Variants in GPT2 observed in about 807,000 individuals in gnomAD.
The protein encoded by GPT2 is alanine aminotransferase 2.
In GPT2, 30 loss-of-function variants were observed where a neutral mutation model predicts 56.9. That is an observed-to-expected ratio of 0.53 (90% confidence interval 0.39 to 0.72). GPT2 has a LOEUF of 0.72. Ranked by LOEUF, GPT2 falls within the 30% of genes least tolerant of loss-of-function variation. GPT2 has a pLI of 0.00. For missense variants in GPT2, 542 were observed against 703.4 expected, an observed-to-expected ratio of 0.77 and a Z score of 2.60; for synonymous variants, 271 against 283.1, an observed-to-expected ratio of 0.96 and a Z score of 0.43.
intron 6 of GPT2, among the ~76,000 whole-genome samples, chr16:46,914,191 A>G (rs1200878573): frequency 2.0e-5 from 3 of 152,130 alleles, no homozygotes; most frequent in Non-Finnish European, 2.9e-5. Flanking sequence ...ACCTGTACCC[A>G]TGGCATTTCG....
chr16:46,910,163 A>G (rs1961018351), intron 6 of GPT2, among the ~76,000 whole-genome samples: 1 of 152,040 alleles, frequency 6.6e-6, no homozygotes, highest in Non-Finnish European at 1.5e-5. Context: ...GATGGATCAC[A>G]TGAGGTCAGA....
rs947646070 is a variant in GPT2, at chr16:46,929,224, C to T, written c.*227C>T. The T allele has an allele frequency of 1.9e-6, 1 of 538,408 alleles. No individual in the cohort carries two copies. Among genetic ancestry groups the T allele is most frequent in the African/African-American group, 1.9e-5 (1 of 52,810 alleles). 33.4% of individuals were successfully genotyped at this position (538,408 alleles called of 1,614,324 possible). A position where few individuals can be genotyped will look rare whatever the true frequency, so the allele number is the denominator to read the frequency against. On this transcript the variant is annotated 3_prime_UTR_variant, in exon 12 of 12. Transcript: ENST00000340124. ...GCAACCAGAGTAGAGGGGACCTGCT[C>T]AGCAGGTGTGACCAGGGTTCTCTGA...
chr16:46,923,312 A>G (rs1390224741), intron 9 of GPT2, among the ~76,000 whole-genome samples: 2 of 152,060 alleles, frequency 1.3e-5, no homozygotes, highest in African/African-American at 4.8e-5. Context: ...AAATACAAAA[A>G]TCAGCCGGGA....
chr16:46,918,847 T>G lies in GPT2; in HGVS notation c.1037+90T>G, dbSNP rs990831325. 3.4e-6 allele frequency: 5 copies of G among 1,484,946 alleles called. No homozygotes were observed. In the African/African-American group the frequency reaches 6.9e-5, roughly 20 times the overall value. 92.0% of individuals were successfully genotyped at this position (1,484,946 alleles called of 1,614,324 possible). A position where few individuals can be genotyped will look rare whatever the true frequency, so the allele number is the denominator to read the frequency against. ...CTGCCCTGCCCCGTGGTCCACCCAC[T>G]TGGATGGAGAGAAGGCTGCCCTTAT... On this transcript the variant is annotated intron_variant, in intron 8 of 11. Coordinates refer to ENST00000340124, the MANE Select transcript of GPT2 (RefSeq NM_133443.4).
chr16:46,918,864 T>C, intron 8 of GPT2, 107 bp downstream of exon 8: 2 of 1,335,032 alleles, frequency 1.5e-6, no homozygotes, highest in Middle Eastern at 1.9e-4. Flanking sequence ...GAGAGAAGGC[T>C]GCCCTTATCT....
chr16:46,924,139 G>A (rs933690678), intron 9 of GPT2: 1 of 526,546 alleles, frequency 1.9e-6, no homozygotes, highest in African/African-American at 1.9e-5. Context: ...CTCTTCTTTG[G>A]TCAGTCTGTC....
chr16:46,924,161 T>G, intron 9 of GPT2: 1 of 590,194 alleles, frequency 1.7e-6, no homozygotes, highest in East Asian at 3.3e-5. Context: ...GATACCCCAG[T>G]GTCGAAGGAA....
intron 2 of GPT2, among the ~76,000 whole-genome samples, chr16:46,895,357 T>G (rs1324316707): frequency 6.6e-6 from 1 of 151,920 alleles, no homozygotes; most frequent in Non-Finnish European, 1.5e-5. Flanking sequence ...AAATCCCATC[T>G]CCATTAAAAA....
chr16:46,909,865 A>T lies in GPT2; in HGVS notation c.758A>T (p.Gln253Leu). The T allele has an allele frequency of 6.2e-7, 1 of 1,614,126 alleles. No homozygotes were observed. The highest frequency in any genetic ancestry group is 8.5e-7 in the Non-Finnish European group (1 of 1,180,002). ...GTGAATGAGCTCCGGCGGGCGGTGC[A>T]GGAGGCCAAAGACCACTGTGATCCT... ...LNVNELRRAV[Q>L]EAKDHCDPKV... The change falls in exon 6 of 12, where the codon CAG (glutamine) becomes CTG (leucine). Residue 253 changes from glutamine (Q) to leucine (L), a missense_variant. Gln to Leu is a moderately radical substitution (Grantham distance 113). Coordinates refer to ENST00000340124, the MANE Select transcript of GPT2 (RefSeq NM_133443.4).
chr16:46,913,772 A>G (rs1352442767), intron 6 of GPT2, among the ~76,000 whole-genome samples: 1 of 151,640 alleles, frequency 6.6e-6, no homozygotes, highest in Non-Finnish European at 1.5e-5. Context: ...ATATATATGT[A>G]CACACACACA....
chr16:46,897,843 C>A, intron 3 of GPT2, 106 bp downstream of exon 3: 1 of 880,870 alleles, frequency 1.1e-6, no homozygotes, highest in Non-Finnish European at 1.8e-6. Flanking sequence ...CCCTCCCAGC[C>A]TGATACCCTC....
In GPT2 at chr16:46,924,522, CCAA is replaced by C. The variant is rs1291251390; in HGVS notation, c.1347_1349del (p.Lys450del). 6.2e-7 allele frequency: 1 copy of C among 1,614,106 alleles called. No individual in the cohort carries two copies. The highest frequency in any genetic ancestry group is 8.5e-7 in the Non-Finnish European group (1 of 1,180,034). On this transcript the variant is annotated inframe_deletion, in exon 10 of 12. Transcript: ENST00000340124. The stretch of plus-strand genomic sequence containing the variant: ...GCCTTCCCTCGGATCTTCATTCCTG[CCAA>C]AGCTGTGGAGGCTGCTCAGGTCTGG...
Position 46,924,515 on chromosome 16 carries a change from A to G in GPT2, c.1339A>G (p.Ile447Val), listed in dbSNP as rs1009934556. The part of the protein sequence containing the change: ...GAMYAFPRIF[I>V]PAKAVEAAQA... ...CATGTACGCCTTCCCTCGGATCTTC[A>G]TTCCTGCCAAAGCTGTGGAGGCTGC... The change falls in exon 10 of 12, where the codon ATT (isoleucine) becomes GTT (valine). Residue 447 changes from isoleucine (I) to valine (V), a missense_variant. Coordinates refer to ENST00000340124, the MANE Select transcript of GPT2 (RefSeq NM_133443.4). 3.1e-6 allele frequency: 5 copies of G among 1,614,230 alleles called. No homozygotes were observed. The highest frequency in any genetic ancestry group is 1.3e-5 in the African/African-American group (1 of 75,066).
intron 2 of GPT2, among the ~76,000 whole-genome samples, chr16:46,896,119 T>C (rs974398689): frequency 6.6e-6 from 1 of 152,164 alleles, no homozygotes; most frequent in African/African-American, 2.4e-5. Context: ...AAGATGATAT[T>C]TGTACTCTGC....
At chr16:46,909,603 A>G in intron 5 of GPT2, 81 bp from the exon 6 acceptor site, 1 of 1,511,254 alleles carries the variant, frequency 6.6e-7, no homozygotes, top group East Asian at 2.3e-5. Context: ...GACTGGAGGC[A>G]TGCAGTGGGG....
intron 9 of GPT2, 181 bp from the exon 10 acceptor site, chr16:46,924,208 T>C: frequency 1.4e-6 from 1 of 697,888 alleles, no homozygotes; most frequent in Non-Finnish European, 2.6e-6. Context: ...GTGGTGTGCA[T>C]GGGGCATGTG....
intron 2 of GPT2, among the ~76,000 whole-genome samples, chr16:46,888,575 C>G (rs1960527674): frequency 6.6e-6 from 1 of 152,104 alleles, no homozygotes; most frequent in South Asian, 2.1e-4. Context: ...TCTTGAACTC[C>G]TGACTTTGTG....
intron 7 of GPT2, among the ~76,000 whole-genome samples, chr16:46,918,198 C>A (rs1165392719): frequency 6.6e-6 from 1 of 152,188 alleles, no homozygotes; most frequent in African/African-American, 2.4e-5. Context: ...CAAAGGAAAC[C>A]CAACAGGGTT....
intron 10 of GPT2, among the ~76,000 whole-genome samples, chr16:46,925,875 T>C (rs1961397019): frequency 6.6e-6 from 1 of 151,852 alleles, no homozygotes; most frequent in Non-Finnish European, 1.5e-5. Flanking sequence ...GGCTCATGCC[T>C]GTAATCACTT....
Sources: allele counts gnomAD v4.1 joint callset (sites outside exome capture counted in the v4.1 genomes callset), GRCh38; gene constraint gnomAD v4.1.1; transcripts MANE v1.5; gene names NCBI Gene and HGNC (gene_info 2026-07-23, HGNC 2026-07-21).